The following SPX variants were observed in gnomAD, a reference collection of about 807,000 sequenced individuals.
The protein encoded by SPX is spexin.
Under a neutral mutation model 19.2 loss-of-function variants are expected in SPX, and 22 were observed. The observed-to-expected ratio is 1.15, with a 90% CI of 0.82 to 1.64. The LOEUF is 1.64. Among genes scored for constraint, SPX ranks in the 40% most tolerant of loss-of-function variants. The pLI is 0.00. For synonymous variants in SPX, 50 were observed against 53.3 expected (o/e 0.94, Z 0.27); for missense variants, 143 against 137.7 (o/e 1.04, Z -0.19).
At chr12:21,527,268 A>C (rs2136820095) in intron 3 of SPX, 76 bp downstream of exon 3, 3 of 1,394,630 alleles carry the variant, frequency 2.2e-6, no homozygotes, top group Non-Finnish European at 3.0e-6. Flanking sequence ...ATGGAGAGTT[A>C]TGGAGAGAGA....
intron 4 of SPX, among the ~76,000 whole-genome samples, chr12:21,528,625 G>T (rs1202966681): frequency 6.6e-6 from 1 of 152,156 alleles, no homozygotes; most frequent in African/African-American, 2.4e-5. Flanking sequence ...ATCATGTTTT[G>T]TGCTGAATCA....
intron 3 of SPX, chr12:21,527,504 GT>G: frequency 1.6e-6 from 1 of 610,830 alleles, no homozygotes; most frequent in South Asian, 2.1e-5. Context: ...CCCTTGCGGC[GT>G]CCGGTCAGGC....
chr12:21,532,007 A>G lies in SPX; in HGVS notation c.*812A>G, dbSNP rs1391270961. On this transcript the variant is annotated 3_prime_UTR_variant, in exon 6 of 6. Transcript: ENST00000256969. ...CAGATTCAAGTACTCTGCTTACTCT[A>G]ATTGACTAGACTCTAGGTTTTATTT... 1 of 152,174 alleles carries G rather than the reference A, an allele frequency of 6.6e-6. No homozygotes were observed. The highest frequency in any genetic ancestry group is 1.9e-4 in the East Asian group (1 of 5,198). 9.4% of individuals were successfully genotyped at this position (152,174 alleles called of 1,614,324 possible).
intron 4 of SPX, among the ~76,000 whole-genome samples, chr12:21,528,529 G>A (rs12423010): frequency 6.6e-6 from 1 of 152,248 alleles, no homozygotes; most frequent in South Asian, 2.1e-4. Flanking sequence ...TTTTTGTTTA[G>A]GCTCTTCAAA....
At chr12:21,531,066 CTT>C in intron 5 of SPX, 69 bp from the exon 6 acceptor site, 5 of 936,758 alleles carry the variant, frequency 5.3e-6, no homozygotes. Flanking sequence ...CTGAGATTCT[CTT>C]TGTCTTACCT....
chr12:21,530,880 T>C lies in SPX; in HGVS notation c.293-257T>C, dbSNP rs144314172. 3.8e-3 allele frequency among the ~76,000 whole-genome samples: 577 copies of C among 152,282 alleles called. 1 individual carries two copies. The highest frequency in any genetic ancestry group is 5.8e-3 in the Non-Finnish European group (393 of 68,026). On this transcript the variant is annotated intron_variant, in intron 5 of 5. Coordinates refer to ENST00000256969, the MANE Select transcript of SPX (RefSeq NM_030572.4). ...TGACTTTTGAGATTTTTACCAGACA[T>C]ACCATACTGTAGTTTCAGTCATTAT...
rs1943875314 is a variant in SPX, at chr12:21,532,482, T to C, written c.*1287T>C. On this transcript the variant is annotated 3_prime_UTR_variant, in exon 6 of 6. Transcript: ENST00000256969. ...CAAGTTAATGTAATGTTGATCTCCGTCGAAAAATAACTTGTGAGCATTAAA... is the reference window on the plus strand; with the variant it reads ...CAAGTTAATGTAATGTTGATCTCCGCCGAAAAATAACTTGTGAGCATTAAA... The C allele has an allele frequency of 6.6e-6, 1 of 152,184 alleles. No individual in the cohort carries two copies. The highest frequency in any genetic ancestry group is 2.4e-5 in the African/African-American group (1 of 41,448). 9.4% of individuals were successfully genotyped at this position (152,184 alleles called of 1,614,324 possible).
intron 1 of SPX, 38 bp downstream of exon 1, chr12:21,526,516 A>G: frequency 1.3e-6 from 2 of 1,576,300 alleles, no homozygotes; most frequent in Non-Finnish European, 8.7e-7. Flanking sequence ...CTTCTTAGCT[A>G]TTTTTTAAAA....
At position 21,527,157 on chromosome 12, in the gene SPX, G is replaced by A; in HGVS notation, c.110G>A (p.Trp37Ter). Reference sequence around the variant, plus strand: ...TAGAGACTGTTGGAGAGAAGGAACTGGACTCCTCAAGCTATGCTCTACCTG... The same window carrying A: ...TAGAGACTGTTGGAGAGAAGGAACTAGACTCCTCAAGCTATGCTCTACCTG... ...APQRLLERRNWTPQAMLYLKG... is the reference protein window; with the variant it reads ...APQRLLERRN Residue 37 changes from tryptophan (W) to a stop codon, truncating the protein, a stop_gained, in exon 3 of 6, where the codon TGG becomes TAG. Transcript: ENST00000256969. LOFTEE classifies it high-confidence loss of function. The A allele has an allele frequency of 6.2e-7, 1 of 1,613,936 alleles. No homozygotes were observed. The highest frequency in any genetic ancestry group is 8.5e-7 in the Non-Finnish European group (1 of 1,179,966).
At chr12:21,529,594 G>A (rs900329533) in intron 5 of SPX, among the ~76,000 whole-genome samples, 1 of 152,164 alleles carries the variant, frequency 6.6e-6, no homozygotes, top group Non-Finnish European at 1.5e-5. Flanking sequence ...TAAGAATACA[G>A]AACTCAGGGG....
At position 21,531,120 on chromosome 12, in the gene SPX, AT is replaced by A. The variant is rs546050550; in HGVS notation, c.293-8del. On this transcript the variant is annotated splice_polypyrimidine_tract_variant and intron_variant, in intron 5 of 5. Transcript: ENST00000256969. ...GCAGAGTGTATATTTATTTTAAAGAATTTTTTTTTCTTACAGATGAAGAAAA... is the reference window on the plus strand; with the variant it reads ...GCAGAGTGTATATTTATTTTAAAGAATTTTTTTTCTTACAGATGAAGAAAA... 264 of 1,452,598 alleles carry A rather than the reference AT, an allele frequency of 1.8e-4. No homozygotes were observed. Among genetic ancestry groups the A allele is most frequent in the Middle Eastern group, 6.5e-4 (3 of 4,614 alleles). 90.0% of individuals were successfully genotyped at this position (1,452,598 alleles called of 1,614,324 possible). A position where few individuals can be genotyped will look rare whatever the true frequency, so the allele number is the denominator to read the frequency against.
intron 5 of SPX, among the ~76,000 whole-genome samples, chr12:21,530,255 C>T (rs1943851474): frequency 6.6e-6 from 1 of 152,118 alleles, no homozygotes; most frequent in Non-Finnish European, 1.5e-5. Flanking sequence ...ATTTAGAAGG[C>T]TCTTATTTAG....
At position 21,532,238 on chromosome 12, in the gene SPX, A is replaced by T. The variant is rs1943872433; in HGVS notation, c.*1043A>T. 6.6e-6 allele frequency: 1 copy of T among 152,190 alleles called. No individual in the cohort carries two copies. The highest frequency in any genetic ancestry group is 1.5e-5 in the Non-Finnish European group (1 of 68,040). The allele number at this position is 152,190 out of a possible 1,614,324, so 9.4% of individuals were successfully genotyped here. A position where few individuals can be genotyped will look rare whatever the true frequency, so the allele number is the denominator to read the frequency against. ...TTATAATATGACCATCATGTTAATT[A>T]TTTTTTACCTAATCAGAGTTGTTAT... On this transcript the variant is annotated 3_prime_UTR_variant, in exon 6 of 6. Coordinates refer to ENST00000256969, the MANE Select transcript of SPX (RefSeq NM_030572.4).
chr12:21,527,013 G>A (rs903291490), intron 2 of SPX, 47 bp downstream of exon 2: 1 of 1,586,434 alleles, frequency 6.3e-7, no homozygotes, highest in African/African-American at 1.3e-5. Flanking sequence ...CGCACTGTGT[G>A]TCCACTCTGC....
intron 4 of SPX, 121 bp downstream of exon 4, chr12:21,527,910 G>C (rs1943830409): frequency 1.7e-6 from 2 of 1,201,452 alleles, no homozygotes; most frequent in Non-Finnish European, 2.3e-6. Context: ...ACGCGGCTCT[G>C]AGGCGCCCTC....
chr12:21,527,328 G>T, intron 3 of SPX, 136 bp downstream of exon 3: 1 of 805,882 alleles, frequency 1.2e-6, no homozygotes, highest in Non-Finnish European at 2.0e-6. Context: ...AAAGAGACCG[G>T]TAGGTGAGGG....
chr12:21,529,401 G>C (rs1172596600), intron 5 of SPX, among the ~76,000 whole-genome samples: 2 of 151,864 alleles, frequency 1.3e-5, no homozygotes, highest in Admixed American at 6.6e-5. Context: ...AAAAATCAAG[G>C]GAAATGGGGG....
intron 5 of SPX, 138 bp downstream of exon 5, chr12:21,529,222 T>G (rs1294333792): frequency 2.7e-6 from 2 of 728,364 alleles, no homozygotes; most frequent in African/African-American, 3.6e-5. Context: ...ACTGCTTGAG[T>G]GAGGCCCAAG....
Position 21,530,318 on chromosome 12 carries a change from T to G in SPX, c.293-819T>G, listed in dbSNP as rs373015505. ...CAGGGACGCCGTTCTGGTTTTGTTT[T>G]GTTTTGTTTTGTTTTCTTCCTTCCC... On this transcript the variant is annotated intron_variant, in intron 5 of 5. Coordinates refer to ENST00000256969, the MANE Select transcript of SPX (RefSeq NM_030572.4). Among the ~76,000 whole-genome samples the G allele has an allele frequency of 2.6e-4, 40 of 152,320 alleles. No homozygotes were observed. The South Asian group carries it at 3.1e-3, about 12-fold the overall frequency.
Sources: gnomAD v4.1 joint callset for allele counts (sites outside exome capture counted in the v4.1 genomes callset) on GRCh38, gnomAD v4.1.1 for gene constraint, MANE v1.5 for transcripts, NCBI Gene and HGNC (gene_info 2026-07-23, HGNC 2026-07-21) for gene names.